Variants in ATPSCKMT observed in about 807,000 individuals in gnomAD.
ATPSCKMT encodes ATP synthase subunit C lysine N-methyltransferase.
In ATPSCKMT, 24 loss-of-function variants were observed where a neutral mutation model predicts 24.3. The ratio of observed to expected loss-of-function variants is 0.99; its 90% CI spans 0.71 to 1.39. The LOEUF is 1.39. Ranked by LOEUF, ATPSCKMT falls within the 40% of genes most tolerant of loss-of-function variation. The probability of loss-of-function intolerance (pLI) is 0.00; values close to 1 mark genes in which losing one functional copy is unlikely to be tolerated. For missense variants in ATPSCKMT, 311 were observed against 298.4 expected (o/e 1.04, Z -0.31); for synonymous variants, 95 against 110.5 (o/e 0.86, Z 0.88).
At chr5:10,236,913 G>A (rs1304716014) in intron 2 of ATPSCKMT, 6 of 1,378,976 alleles carry the variant, frequency 4.4e-6, no homozygotes, top group African/African-American at 2.9e-5. Context: ...AACCCCCGGG[G>A]AGGTCGAACA....
chr5:10,242,122 C>A (rs1356652031), intron 1 of ATPSCKMT, among the ~76,000 whole-genome samples: 1 of 152,018 alleles, frequency 6.6e-6, no homozygotes, highest in Non-Finnish European at 1.5e-5. Context: ...GGGGTCGTTG[C>A]GGCAATTTTT....
chr5:10,244,920 AAAAAG>A (rs1744827218), intron 1 of ATPSCKMT, among the ~76,000 whole-genome samples: 2 of 151,958 alleles, frequency 1.3e-5, no homozygotes, highest in East Asian at 1.9e-4. Flanking sequence ...AAAAAAAAAA[AAAAAG>A]AAAAGTCAAG....
intron 1 of ATPSCKMT, chr5:10,248,409 G>A (rs1745052000): frequency 6.6e-6 from 1 of 152,212 alleles, no homozygotes; most frequent in South Asian, 2.1e-4. Flanking sequence ...TTTTAATGAG[G>A]AAACACTGAA....
chr5:10,235,364 C>A (rs1036383578), intron 3 of ATPSCKMT, 103 bp from the exon 4 acceptor site: 6 of 1,023,660 alleles, frequency 5.9e-6, no homozygotes, highest in Non-Finnish European at 7.5e-6. Flanking sequence ...TTTTACCAAA[C>A]GGTGGGTTTT....
At chr5:10,238,931 TCAAA>T in intron 2 of ATPSCKMT, 132 bp downstream of exon 2, 1 of 1,124,296 alleles carries the variant, frequency 8.9e-7, no homozygotes, top group Non-Finnish European at 1.2e-6. Flanking sequence ...AATAGTTTGG[TCAAA>T]CAAACATAAA....
intron 3 of ATPSCKMT, among the ~76,000 whole-genome samples, chr5:10,235,715 C>A (rs1483912830): frequency 1.3e-5 from 2 of 151,646 alleles, no homozygotes; most frequent in African/African-American, 4.8e-5. Context: ...AAATTTGAGT[C>A]CCCCTCCTCT....
chr5:10,235,867 A>G (rs1356724981), intron 3 of ATPSCKMT, among the ~76,000 whole-genome samples: 3 of 152,242 alleles, frequency 2.0e-5, no homozygotes, highest in Non-Finnish European at 4.4e-5. Flanking sequence ...CACATATGGC[A>G]TAAAAAAACA....
intron 4 of ATPSCKMT, among the ~76,000 whole-genome samples, chr5:10,234,978 G>A (rs997511230): frequency 6.6e-6 from 1 of 152,228 alleles, no homozygotes; most frequent in African/African-American, 2.4e-5. Context: ...TTAAGGCTTA[G>A]GGAAATCATT....
At chr5:10,237,015 A>C in intron 2 of ATPSCKMT, 2 of 1,298,208 alleles carry the variant, frequency 1.5e-6, no homozygotes, top group Non-Finnish European at 2.0e-6. Context: ...TTTTGTGAAC[A>C]AGTAATAATA....
intron 1 of ATPSCKMT, among the ~76,000 whole-genome samples, chr5:10,240,573 G>A (rs1484304290): frequency 6.6e-6 from 1 of 152,148 alleles, no homozygotes; most frequent in Admixed American, 6.5e-5. Context: ...TCTGCAAAGT[G>A]GGGGTCACAG....
In ATPSCKMT at chr5:10,239,348, G is replaced by C; in HGVS notation, c.25C>G (p.Leu9Val). 2 of 1,613,232 alleles carry C rather than the reference G, an allele frequency of 1.2e-6. No individual in the cohort carries two copies. The highest frequency in any genetic ancestry group is 1.7e-6 in the Non-Finnish European group (2 of 1,179,552). The part of the protein sequence containing the change: MEGGGGIP[L>V]ETLKEESQSR... Reference sequence around the variant, plus strand: ...TGACTTTCTTCTTTAAGTGTTTCTAGGGGTATACCTAGATTGAAAGCAAGC... The same window carrying C: ...TGACTTTCTTCTTTAAGTGTTTCTACGGGTATACCTAGATTGAAAGCAAGC... The change falls in exon 2 of 5, where the codon CTA (leucine) becomes GTA (valine). Residue 9 changes from leucine to valine, a missense_variant. Transcript: ENST00000511437.
At chr5:10,249,798 C>G in intron 1 of ATPSCKMT, 60 bp downstream of exon 1, 1 of 1,534,376 alleles carries the variant, frequency 6.5e-7, no homozygotes, top group Non-Finnish European at 8.7e-7. Context: ...CCGCGAGCCC[C>G]CGGCCCGCCC....
chr5:10,229,211 C>T (rs552953461), intron 4 of ATPSCKMT, among the ~76,000 whole-genome samples: 13 of 152,312 alleles, frequency 8.5e-5, no homozygotes, highest in African/African-American at 3.1e-4. Flanking sequence ...GGGTATGATC[C>T]AGTCCAGGAC....
In ATPSCKMT at chr5:10,226,589, G is replaced by A. The variant is rs1284789762; in HGVS notation, c.*852C>T. The A allele has an allele frequency of 6.6e-6, 1 of 152,210 alleles. No individual in the cohort carries two copies. The highest frequency in any genetic ancestry group is 2.4e-5 in the African/African-American group (1 of 41,462). 9.4% of individuals were successfully genotyped at this position (152,210 alleles called of 1,614,324 possible). A position where few individuals can be genotyped will look rare whatever the true frequency, so the allele number is the denominator to read the frequency against. On this transcript the variant is annotated 3_prime_UTR_variant, in exon 5 of 5. Transcript: ENST00000511437. Reference sequence around the variant, plus strand: ...TTCTCATAAATGAGAAATATTAAATGAGTGGCAGCTCTCAAGAAATAAAAA... The same window carrying A: ...TTCTCATAAATGAGAAATATTAAATAAGTGGCAGCTCTCAAGAAATAAAAA...
At chr5:10,241,794 T>G (rs1278676354) in intron 1 of ATPSCKMT, among the ~76,000 whole-genome samples, 1 of 152,188 alleles carries the variant, frequency 6.6e-6, no homozygotes, top group African/African-American at 2.4e-5. Flanking sequence ...AGTATTGCAA[T>G]AAAGCAAGTT....
chr5:10,235,822 T>A (rs977029128), intron 3 of ATPSCKMT, among the ~76,000 whole-genome samples: 3 of 152,184 alleles, frequency 2.0e-5, no homozygotes, highest in Non-Finnish European at 4.4e-5. Context: ...TATTGCCCAA[T>A]AAGTCTTATT....
chr5:10,246,919 T>C (rs1744960306), intron 1 of ATPSCKMT, among the ~76,000 whole-genome samples: 1 of 151,906 alleles, frequency 6.6e-6, no homozygotes, highest in Non-Finnish European at 1.5e-5. Context: ...ATGGGACCAG[T>C]GAGGTGTTGG....
chr5:10,241,381 C>T (rs992708326), intron 1 of ATPSCKMT, among the ~76,000 whole-genome samples: 5 of 152,208 alleles, frequency 3.3e-5, no homozygotes, highest in Non-Finnish European at 7.3e-5. Flanking sequence ...CCATGAACTA[C>T]GGCAATCTAT....
intron 4 of ATPSCKMT, among the ~76,000 whole-genome samples, chr5:10,232,547 C>T (rs565939598): frequency 6.6e-4 from 100 of 152,364 alleles, no homozygotes; most frequent in Non-Finnish European, 2.8e-4. Context: ...CGCTGGAGCT[C>T]GCCTCATTGT....
Sources: allele counts gnomAD v4.1 joint callset (sites outside exome capture counted in the v4.1 genomes callset), GRCh38; gene constraint gnomAD v4.1.1; transcripts MANE v1.5; gene names NCBI Gene and HGNC (gene_info 2026-07-23, HGNC 2026-07-21).